Variants in PAQR3 observed in about 807,000 individuals in gnomAD.
PAQR3 encodes progestin and adipoQ receptor family member 3.
In PAQR3, 39 loss-of-function variants were observed where a neutral mutation model predicts 41.7. That is an observed-to-expected ratio of 0.93 (90% confidence interval 0.72 to 1.22). The LOEUF is 1.22. Ranked by LOEUF, PAQR3 falls within the 50% of genes most tolerant of loss-of-function variation. The probability of loss-of-function intolerance (pLI) is 0.00; values close to 1 mark genes in which losing one functional copy is unlikely to be tolerated. For missense variants in PAQR3, 366 were observed against 385.6 expected (o/e 0.95, Z 0.42); for synonymous variants, 140 against 140.6 (o/e 1.00, Z 0.03).
intron 11 of PAQR3, among the ~76,000 whole-genome samples, chr4:78,894,826 A>T (rs772296476): frequency 5.7e-4 from 86 of 152,172 alleles, no homozygotes; most frequent in South Asian, 1.0e-3. Flanking sequence ...ATTTAAAGTG[A>T]CAGATGCATC....
chr4:78,917,556 T>C lies in PAQR3; in HGVS notation c.*2983A>G, dbSNP rs1735200214. 1 of 149,964 alleles carries C rather than the reference T, an allele frequency of 6.7e-6. No individual in the cohort carries two copies. The highest frequency in any genetic ancestry group is 1.5e-5 in the Non-Finnish European group (1 of 67,722). 9.3% of individuals were successfully genotyped at this position (149,964 alleles called of 1,614,324 possible). A position where few individuals can be genotyped will look rare whatever the true frequency, so the allele number is the denominator to read the frequency against. ...ACCTCTTTAGTGTAAACACAGTTAT[T>C]GTGATAATGCACACAGAAGGTATTT... On this transcript the variant is annotated 3_prime_UTR_variant, in exon 6 of 6. Transcript: ENST00000512733.
At chr4:78,934,839 C>T (rs1171963245) in intron 2 of PAQR3, among the ~76,000 whole-genome samples, 1 of 152,156 alleles carries the variant, frequency 6.6e-6, no homozygotes, top group East Asian at 1.9e-4. Context: ...TAATAGAATG[C>T]AATCAAAGAT....
Position 78,939,049 on chromosome 4 carries a change from C to T in PAQR3, c.176G>A (p.Cys59Tyr). The change falls in exon 1 of 6, where the codon TGT (cysteine) becomes TAT (tyrosine). Residue 59 changes from cysteine (C) to tyrosine (Y), a missense_variant. Coordinates refer to ENST00000512733, the MANE Select transcript of PAQR3 (RefSeq NM_001040202.2). ...GYRAYLPSRL[C>Y]IKSLFILSNE... ...GGCAGCCAGACCGTACCTTTTGATA[C>T]ACAGCCTGGACGGCAGGTAGGCCCG... The T allele has an allele frequency of 6.2e-7, 1 of 1,604,298 alleles. No individual in the cohort carries two copies. The highest frequency in any genetic ancestry group is 8.5e-7 in the Non-Finnish European group (1 of 1,173,078).
intron 11 of PAQR3, among the ~76,000 whole-genome samples, chr4:78,900,597 G>T (rs999278040): frequency 2.0e-5 from 3 of 152,204 alleles, no homozygotes; most frequent in African/African-American, 7.2e-5. Context: ...GTCTGGTTCA[G>T]TCAGCTGGCC....
downstream of PAQR3, chr4:78,911,814 C>A (rs754236974): frequency 5.0e-6 from 8 of 1,613,916 alleles, no homozygotes; most frequent in Non-Finnish European, 5.9e-6. Context: ...AGGGCCTGAG[C>A]GACATCCGTG....
chr4:78,912,710 T>C lies in PAQR3; in HGVS notation c.*7829A>G, dbSNP rs1734716335. 1 of 152,170 alleles carries C rather than the reference T, an allele frequency of 6.6e-6. No homozygotes were observed. 9.4% of individuals were successfully genotyped at this position (152,170 alleles called of 1,614,324 possible). A position where few individuals can be genotyped will look rare whatever the true frequency, so the allele number is the denominator to read the frequency against. On this transcript the variant is annotated 3_prime_UTR_variant, in exon 6 of 6. Transcript: ENST00000512733. ...CAATTTAACTATTCCACAACTTACATATTCCAAAACAATGTTATACATGAT... is the reference window on the plus strand; with the variant it reads ...CAATTTAACTATTCCACAACTTACACATTCCAAAACAATGTTATACATGAT...
intron 11 of PAQR3, among the ~76,000 whole-genome samples, chr4:78,901,132 C>T (rs1364323029): frequency 6.6e-6 from 1 of 152,096 alleles, no homozygotes; most frequent in African/African-American, 2.4e-5. Context: ...CAGCCCGGAC[C>T]TCTTGGGCTC....
rs1203491478 is a variant in PAQR3 at position 78,903,196 on chromosome 4, C to T, written c.*836+2912G>A. ...GCCTAAACATAGCCTTTTATGAAGACTCATAAGCACAGAATGGGCAAATTC... is the reference window on the plus strand; with the variant it reads ...GCCTAAACATAGCCTTTTATGAAGATTCATAAGCACAGAATGGGCAAATTC... On this transcript the variant is annotated intron_variant and NMD_transcript_variant, in intron 11 of 12. Transcript: ENST00000342820. Among the ~76,000 whole-genome samples the T allele has an allele frequency of 2.6e-5, 4 of 151,616 alleles. No homozygotes were observed. In the East Asian group the frequency reaches 7.7e-4, roughly 29 times the overall value.
At chr4:78,925,792 G>A (rs554979113) in intron 4 of PAQR3, among the ~76,000 whole-genome samples, 78 of 152,196 alleles carry the variant, frequency 5.1e-4, no homozygotes, top group African/African-American at 1.7e-3. Context: ...TAGTGCATAT[G>A]TACAGCATTT....
downstream of PAQR3, among the ~76,000 whole-genome samples, chr4:78,908,271 T>C (rs925062602): frequency 1.3e-5 from 2 of 152,216 alleles, no homozygotes; most frequent in Non-Finnish European, 2.9e-5. Flanking sequence ...CAACAAACTA[T>C]ACAAGATGAC....
intron 11 of PAQR3, among the ~76,000 whole-genome samples, chr4:78,893,205 C>T (rs1035236504): frequency 1.3e-5 from 2 of 152,196 alleles, no homozygotes; most frequent in East Asian, 3.8e-4. Flanking sequence ...CAGATTCCAT[C>T]TCAAGAAACC....
chr4:78,923,787 G>A, intron 5 of PAQR3, 70 bp downstream of exon 5: 1 of 962,550 alleles, frequency 1.0e-6, no homozygotes, highest in Non-Finnish European at 1.7e-6. Flanking sequence ...AAGTTTTGAT[G>A]CTCTGATGCA....
intron 11 of PAQR3, among the ~76,000 whole-genome samples, chr4:78,902,453 CCTT>C (rs1373848684): frequency 1.3e-5 from 2 of 151,994 alleles, no homozygotes; most frequent in Non-Finnish European, 2.9e-5. Context: ...TTTGATAAAA[CCTT>C]CTCCTAATCC....
Position 78,918,400 on chromosome 4 carries a change from T to C in PAQR3, c.*2139A>G. The C allele has an allele frequency of 1.0e-6, 1 of 977,938 alleles. No individual in the cohort carries two copies. The highest frequency in any genetic ancestry group is 1.2e-6 in the Non-Finnish European group (1 of 822,804). 60.6% of individuals were successfully genotyped at this position (977,938 alleles called of 1,614,324 possible). On this transcript the variant is annotated 3_prime_UTR_variant, in exon 6 of 6. Transcript: ENST00000512733. ...GGTGGTCATTAAATGCTGACTGACA[T>C]ACAGAAGTGTTTCTAGTTAACAGCA...
Position 78,919,900 on chromosome 4 carries a change from C to T in PAQR3, c.*639G>A, listed in dbSNP as rs1296120470. The T allele has an allele frequency of 1.0e-6, 1 of 985,130 alleles. No homozygotes were observed. The highest frequency in any genetic ancestry group is 1.2e-6 in the Non-Finnish European group (1 of 829,542). 61.0% of individuals were successfully genotyped at this position (985,130 alleles called of 1,614,324 possible). A position where few individuals can be genotyped will look rare whatever the true frequency, so the allele number is the denominator to read the frequency against. On this transcript the variant is annotated 3_prime_UTR_variant, in exon 6 of 6. Transcript: ENST00000512733. ...CTGATAGAAAATGAGAAGTTCTTTTCCTCTTCTCAACCCTTCTCTCAACTT... is the reference window on the plus strand; with the variant it reads ...CTGATAGAAAATGAGAAGTTCTTTTTCTCTTCTCAACCCTTCTCTCAACTT...
At chr4:78,928,108 TG>T (rs1370097024) in intron 3 of PAQR3, among the ~76,000 whole-genome samples, 1 of 152,374 alleles carries the variant, frequency 6.6e-6, no homozygotes, top group Admixed American at 6.5e-5. Flanking sequence ...TTAGTTTTTC[TG>T]GTAAGAGATT....
intron 11 of PAQR3, chr4:78,899,014 C>T (rs1314951215): frequency 6.6e-6 from 1 of 152,610 alleles, no homozygotes; most frequent in Admixed American, 6.5e-5. Context: ...CGAGGGGGAC[C>T]ACCAGGTTGC....
At position 78,920,107 on chromosome 4, in the gene PAQR3, A is replaced by C. The variant is rs953691397; in HGVS notation, c.*432T>G. On this transcript the variant is annotated 3_prime_UTR_variant, in exon 6 of 6. Coordinates refer to ENST00000512733, the MANE Select transcript of PAQR3 (RefSeq NM_001040202.2). ...AAAATCACTATCCTAGCTTGCATTA[A>C]GCATAGGCTGAAACAACACTTGCCT... The C allele has an allele frequency of 1.5e-5, 15 of 986,154 alleles. No individual in the cohort carries two copies. The African/African-American group carries it at 2.3e-4, about 15-fold the overall frequency. The allele number at this position is 986,154 out of a possible 1,614,324, so 61.1% of individuals were successfully genotyped here.
At chr4:78,896,144 C>T (rs562541333) in intron 11 of PAQR3, among the ~76,000 whole-genome samples, 3 of 151,460 alleles carry the variant, frequency 2.0e-5, no homozygotes, top group African/African-American at 7.3e-5. Flanking sequence ...AACTTTTTTG[C>T]AGCCAAGATT....
Sources: allele counts gnomAD v4.1 joint callset (sites outside exome capture counted in the v4.1 genomes callset), GRCh38; gene constraint gnomAD v4.1.1; transcripts MANE v1.5; gene names NCBI Gene and HGNC (gene_info 2026-07-23, HGNC 2026-07-21).